Variants in PRKN observed in about 807,000 individuals in gnomAD.
PRKN encodes parkin RBR E3 ubiquitin protein ligase.
A neutral mutation model predicts 59.5 loss-of-function variants in PRKN; 56 were observed. That is an observed-to-expected ratio of 0.94 (90% CI 0.76 to 1.18). The LOEUF (loss-of-function observed/expected upper bound fraction) is 1.18. Among genes scored for constraint, PRKN ranks in the 50% most tolerant of loss-of-function variants. The pLI, the probability that PRKN is intolerant of heterozygous loss-of-function variation, is 0.00. For missense variants in PRKN, 657 were observed against 596.4 expected, an observed-to-expected ratio of 1.10 and a Z score of -1.06; for synonymous variants, 250 against 222.1, an observed-to-expected ratio of 1.13 and a Z score of -1.12.
In PRKN at chr6:162,471,773, CAT is replaced by C. The variant is rs1312678596; in HGVS notation, c.8-28302_8-28301del. On this transcript the variant is annotated intron_variant, in intron 1 of 11. Transcript: ENST00000366898. Reference sequence around the variant, plus strand: ...GCATATGTACTAATACAGATTTAGACATATGTTATCCCAAATCTGGTAGTACT... The same window carrying C: ...GCATATGTACTAATACAGATTTAGACATGTTATCCCAAATCTGGTAGTACT... Among the ~76,000 whole-genome samples, 11 of 152,150 alleles carry C rather than the reference CAT, an allele frequency of 7.2e-5. 1 individual carries two copies. The highest frequency in any genetic ancestry group is 1.4e-4 in the African/African-American group (6 of 41,450).
At chr6:161,435,688 C>T (rs1433753699) in intron 9 of PRKN, among the ~76,000 whole-genome samples, 1 of 151,640 alleles carries the variant, frequency 6.6e-6, no homozygotes, top group African/African-American at 2.4e-5. Flanking sequence ...GACTTTTCTG[C>T]ATCACTTCCT....
intron 2 of PRKN, among the ~76,000 whole-genome samples, chr6:162,438,879 C>T (rs747575094): frequency 1.3e-4 from 20 of 152,122 alleles, no homozygotes; most frequent in Non-Finnish European, 2.5e-4. Context: ...GAGCATTTGC[C>T]CACCATTATC....
At position 161,401,591 on chromosome 6, in the gene PRKN, C is replaced by T. The variant is rs1053357462; in HGVS notation, c.1084-14714G>A. Among the ~76,000 whole-genome samples, 15 of 151,302 alleles carry T rather than the reference C, an allele frequency of 9.9e-5. No individual in the cohort carries two copies. Among genetic ancestry groups the T allele is most frequent in the African/African-American group, 4.9e-5 (2 of 41,180 alleles). On this transcript the variant is annotated intron_variant, in intron 9 of 11. Transcript: ENST00000366898. The surrounding 1 kb of genome is among the most constrained non-coding windows in gnomAD (Gnocchi z 4.4). ...TTGTGCCACTGCACTCCATCTTGGG[C>T]GACAAGAGCAAGATTCTGTCCCCAC...
At chr6:162,512,714 T>C (rs1210529351) in intron 1 of PRKN, among the ~76,000 whole-genome samples, 1 of 152,220 alleles carries the variant, frequency 6.6e-6, no homozygotes, top group African/African-American at 2.4e-5. Flanking sequence ...TGTACTGTGA[T>C]ATTCGTGTGT....
At chr6:161,705,565 A>G (rs1343520644) in intron 7 of PRKN, among the ~76,000 whole-genome samples, 1 of 152,108 alleles carries the variant, frequency 6.6e-6, no homozygotes, top group Non-Finnish European at 1.5e-5. Flanking sequence ...AAATATTTGA[A>G]ATTTCTAATG....
chr6:161,381,655 G>C lies in PRKN; in HGVS notation c.1167+5139C>G, dbSNP rs746759568. 5.7e-4 allele frequency among the ~76,000 whole-genome samples: 87 copies of C among 152,184 alleles called. 1 individual carries two copies. Among genetic ancestry groups the C allele is most frequent in the Non-Finnish European group, 1.2e-3 (82 of 68,026 alleles). On this transcript the variant is annotated intron_variant, in intron 10 of 11. Transcript: ENST00000366898. ...GACATAATCCAGCCCTGAAGCTACT[G>C]TCTATTCTTTTCCTGTACTTACCCA...
intron 4 of PRKN, among the ~76,000 whole-genome samples, chr6:162,112,839 G>A (rs1026268806): frequency 6.6e-6 from 1 of 151,896 alleles, no homozygotes; most frequent in Admixed American, 6.6e-5. Flanking sequence ...TACTCGGGAG[G>A]CTGAGGTAGG....
rs1784460711 is a variant in PRKN at position 161,350,119 on chromosome 6, C to T, written c.1378G>A (p.Asp460Asn). ...CCTGGCTACACGTCGAACCAGTGGT[C>T]CCCCATGCAGACGCGGTTCCACTCG... is the stretch of plus-strand genomic sequence containing the variant. ...GCEWNRVCMG[D>N]HWFDV Residue 460 changes from aspartate to asparagine, a missense_variant, in exon 12 of 12, where the codon GAC (aspartate) becomes AAC (asparagine). By Grantham distance (23) the Asp-to-Asn change is conservative (BLOSUM62 1). Transcript: ENST00000366898. 4 of 1,612,848 alleles carry T rather than the reference C, an allele frequency of 2.5e-6. No homozygotes were observed. Among genetic ancestry groups the T allele is most frequent in the South Asian group, 1.1e-5 (1 of 91,042 alleles).
chr6:162,630,246 C>T (rs1783054879), intron 1 of PRKN, among the ~76,000 whole-genome samples: 1 of 152,102 alleles, frequency 6.6e-6, no homozygotes, highest in Non-Finnish European at 1.5e-5. Flanking sequence ...CTTTTAACTA[C>T]CAACTATAAA....
rs115582677 is a variant in PRKN, at chr6:161,537,346, A to G, written c.1083+11508T>C. Among the ~76,000 whole-genome samples the G allele has an allele frequency of 4.0e-3, 607 of 152,364 alleles. 3 individuals carry two copies. The highest frequency in any genetic ancestry group is 0.014 in the African/African-American group (577 of 41,590). On this transcript the variant is annotated intron_variant, in intron 9 of 11. Coordinates refer to ENST00000366898, the MANE Select transcript of PRKN (RefSeq NM_004562.3). ...ATTTCTGATGCAAATGACTAACATA[A>G]GTTGACTGGACTATCTCTTCTATTT...
intron 2 of PRKN, among the ~76,000 whole-genome samples, chr6:162,376,417 T>C (rs1170873718): frequency 2.0e-5 from 3 of 151,996 alleles, no homozygotes; most frequent in Non-Finnish European, 4.4e-5. Context: ...CTGACCACTG[T>C]AATCCCTCAC....
intron 6 of PRKN, among the ~76,000 whole-genome samples, chr6:161,908,768 C>T (rs983702973): frequency 3.9e-5 from 6 of 151,938 alleles, no homozygotes; most frequent in Non-Finnish European, 7.4e-5. Flanking sequence ...AAATGCATCT[C>T]GAACTATTTT....
chr6:162,202,453 A>C (rs564726415), intron 3 of PRKN, among the ~76,000 whole-genome samples: 1 of 152,196 alleles, frequency 6.6e-6, no homozygotes, highest in Non-Finnish European at 1.5e-5. Context: ...TCATGGTTTT[A>C]TCATTTGTTT....
chr6:161,929,547 G>A (rs1226940812), intron 6 of PRKN, among the ~76,000 whole-genome samples: 4 of 103,260 alleles, frequency 3.9e-5, no homozygotes, highest in Non-Finnish European at 5.5e-5. Flanking sequence ...TTTTTGAGAC[G>A]GAGTCTTACT....
intron 3 of PRKN, among the ~76,000 whole-genome samples, chr6:162,247,346 C>T (rs1779243672): frequency 6.6e-6 from 1 of 151,940 alleles, no homozygotes; most frequent in African/African-American, 2.4e-5. Context: ...TTCCCTAAAG[C>T]AAAGTGTTGT....
At chr6:162,076,596 T>C (rs1778837513) in intron 4 of PRKN, among the ~76,000 whole-genome samples, 1 of 152,124 alleles carries the variant, frequency 6.6e-6, no homozygotes. Flanking sequence ...GTCTTAATTT[T>C]AGGTGAAAAC....
intron 3 of PRKN, among the ~76,000 whole-genome samples, chr6:162,204,117 G>C (rs977739408): frequency 6.6e-6 from 1 of 151,952 alleles, no homozygotes; most frequent in Non-Finnish European, 1.5e-5. Context: ...CTAAAACTAG[G>C]GATGTTTTTC....
intron 4 of PRKN, among the ~76,000 whole-genome samples, chr6:162,093,777 CTGTGCATCCA>C (rs1210729300): frequency 1.3e-5 from 2 of 152,174 alleles, no homozygotes; most frequent in African/African-American, 4.8e-5. Flanking sequence ...AACGGCTTGA[CTGTGCATCCA>C]TGCTTCTCAG....
chr6:162,684,514 T>C (rs998155634), intron 1 of PRKN, among the ~76,000 whole-genome samples: 9 of 152,170 alleles, frequency 5.9e-5, no homozygotes, highest in Admixed American at 6.5e-5. Context: ...ACCTTTACAA[T>C]GTATCCATTT....
Sources: allele counts gnomAD v4.1 joint callset (sites outside exome capture counted in the v4.1 genomes callset), GRCh38; gene constraint gnomAD v4.1.1; non-coding constraint Gnocchi (gnomAD v3.1); transcripts MANE v1.5; gene names NCBI Gene and HGNC (gene_info 2026-07-23, HGNC 2026-07-21).